Variants in SPAG16 observed in about 807,000 individuals in gnomAD.
SPAG16 encodes the protein sperm associated antigen 16, also known as sperm-associated antigen 16 protein.
SPAG16 carries 86 observed loss-of-function variants against 80.4 expected under a neutral mutation model. The ratio of observed to expected loss-of-function variants is 1.07; its 90% CI spans 0.90 to 1.28. The LOEUF (loss-of-function observed/expected upper bound fraction) is 1.28. Ranked by LOEUF, SPAG16 falls within the 50% of genes most tolerant of loss-of-function variation. The pLI is 0.00. For synonymous variants in SPAG16, 294 were observed against 265.9 expected (o/e 1.11, Z -1.03); for missense variants, 870 against 765.3 (o/e 1.14, Z -1.61).
At chr2:214,284,440 C>T (rs1241843147) in intron 15 of SPAG16, among the ~76,000 whole-genome samples, 7 of 152,252 alleles carry the variant, frequency 4.6e-5, no homozygotes, top group Admixed American at 2.6e-4. Context: ...ATTCTAACTA[C>T]TTGGTTGAGC....
intron 15 of SPAG16, among the ~76,000 whole-genome samples, chr2:214,248,069 T>C (rs978054768): frequency 4.0e-5 from 6 of 151,840 alleles, no homozygotes; most frequent in Admixed American, 2.0e-4. Context: ...GTTAAATTTA[T>C]AGTCATTAAA....
intron 10 of SPAG16, among the ~76,000 whole-genome samples, chr2:213,789,902 A>G (rs1559470895): frequency 6.6e-6 from 1 of 151,948 alleles, no homozygotes; most frequent in Non-Finnish European, 1.5e-5. Flanking sequence ...TAACGATATC[A>G]TTATCATCCA....
chr2:213,466,425 GTCTT>G (rs2072701041), intron 9 of SPAG16, among the ~76,000 whole-genome samples: 1 of 152,192 alleles, frequency 6.6e-6, no homozygotes, highest in Non-Finnish European at 1.5e-5. Context: ...TATGGAGTGA[GTCTT>G]AGCTGCCTGA....
At chr2:213,296,146 T>G (rs1227118676) in intron 2 of SPAG16, 36 bp downstream of exon 2, 1 of 1,410,498 alleles carries the variant, frequency 7.1e-7, no homozygotes, top group Non-Finnish European at 1.0e-6. Context: ...TTCTGTAAAT[T>G]TATTGCAGTC....
intron 9 of SPAG16, among the ~76,000 whole-genome samples, chr2:213,411,489 T>C (rs2068962558): frequency 6.6e-6 from 1 of 152,192 alleles, no homozygotes; most frequent in Non-Finnish European, 1.5e-5. Flanking sequence ...AGAATAGCCT[T>C]AGACATGATA....
rs139386702 is a variant in SPAG16 at position 214,084,972 on chromosome 2, G to A, written c.1528-23224G>A. On this transcript the variant is annotated intron_variant, in intron 13 of 15. Transcript: ENST00000331683. ...GTTTTAGAGGTAGCACTGAAAGACT[G>A]TTAGAAGACAAAGCAGAGAGCAATT... is the stretch of plus-strand genomic sequence containing the variant. Among the ~76,000 whole-genome samples, 1,057 of 152,306 alleles carry A rather than the reference G, an allele frequency of 6.9e-3. 16 individuals are homozygous for A. The highest frequency in any genetic ancestry group is 0.024 in the African/African-American group (990 of 41,554).
intron 5 of SPAG16, among the ~76,000 whole-genome samples, chr2:213,318,908 A>G (rs1393906760): frequency 6.6e-6 from 1 of 151,890 alleles, no homozygotes; most frequent in African/African-American, 2.4e-5. Flanking sequence ...TTGTTTTGTA[A>G]TTTCCTGGCA....
rs1428572527 is a variant in SPAG16 at position 214,177,904 on chromosome 2, TATATATATATAC to T, written c.1720+28650_1720+28661del. ...AAAAAGCAGAATATATATATACATA[TATATATATATAC>T]ATATATATATATATATATGGCCAGA... On this transcript the variant is annotated intron_variant, in intron 15 of 15. Coordinates refer to ENST00000331683, the MANE Select transcript of SPAG16 (RefSeq NM_024532.5). Among the ~76,000 whole-genome samples the T allele has an allele frequency of 1.4e-3, 132 of 92,282 alleles. 2 individuals are homozygous for T. Among genetic ancestry groups the T allele is most frequent in the African/African-American group, 6.8e-3 (113 of 16,590 alleles). The allele number at this position is 92,282 out of a possible 152,430, so 60.5% of individuals were successfully genotyped here. A position where few individuals can be genotyped will look rare whatever the true frequency, so the allele number is the denominator to read the frequency against.
intron 6 of SPAG16, among the ~76,000 whole-genome samples, chr2:213,346,592 G>T (rs192823940): frequency 5.8e-4 from 89 of 152,194 alleles, no homozygotes; most frequent in Non-Finnish European, 1.9e-4. Flanking sequence ...TTAGCATGAA[G>T]GTTGTTCAAT....
intron 15 of SPAG16, chr2:214,240,994 C>T (rs1689425561): frequency 1.3e-5 from 2 of 151,782 alleles, no homozygotes; most frequent in South Asian, 4.1e-4. Context: ...ATATGAGTAA[C>T]GGTAGGTATA....
chr2:213,586,819 G>A (rs1225411943), intron 10 of SPAG16, among the ~76,000 whole-genome samples: 1 of 152,206 alleles, frequency 6.6e-6, no homozygotes, highest in East Asian at 1.9e-4. Flanking sequence ...CATTGAAGAA[G>A]AACTGGGGCA....
At chr2:214,217,727 A>G (rs920004496) in intron 15 of SPAG16, among the ~76,000 whole-genome samples, 1 of 152,212 alleles carries the variant, frequency 6.6e-6, no homozygotes, top group Non-Finnish European at 1.5e-5. Flanking sequence ...TCATCTGAAA[A>G]TGAGGATGGT....
rs199578155 is a variant in SPAG16, at chr2:214,076,541, G to C, written c.1528-31655G>C. Reference sequence around the variant, plus strand: ...TGTGTGTGTGTGTGTGTGTGTGTGTGTCTGTGTGTGTGTGTGTGTGTGTGT... The same window carrying C: ...TGTGTGTGTGTGTGTGTGTGTGTGTCTCTGTGTGTGTGTGTGTGTGTGTGT... On this transcript the variant is annotated intron_variant, in intron 13 of 15. Coordinates refer to ENST00000331683, the MANE Select transcript of SPAG16 (RefSeq NM_024532.5). 7.5e-3 allele frequency among the ~76,000 whole-genome samples: 514 copies of C among 68,150 alleles called. 2 individuals carry two copies. The highest frequency in any genetic ancestry group is 0.026 in the African/African-American group (488 of 18,516). The allele number at this position is 68,150 out of a possible 152,430, so 44.7% of individuals were successfully genotyped here.
chr2:213,955,246 A>T (rs1023207291), intron 12 of SPAG16, among the ~76,000 whole-genome samples: 2 of 152,108 alleles, frequency 1.3e-5, no homozygotes, highest in Non-Finnish European at 2.9e-5. Flanking sequence ...ATTACCAAAC[A>T]CAAGATAATA....
In SPAG16 at chr2:213,640,373, C is replaced by T. The variant is rs140731733; in HGVS notation, c.1070+150283C>T. On this transcript the variant is annotated intron_variant, in intron 10 of 15. Transcript: ENST00000331683. Reference sequence around the variant, plus strand: ...TCTGGTTCCTTCTCATTTGGGTAGACTATGTCAGTGGAAAGATCTGGAGCA... The same window carrying T: ...TCTGGTTCCTTCTCATTTGGGTAGATTATGTCAGTGGAAAGATCTGGAGCA... Among the ~76,000 whole-genome samples, 22 of 152,238 alleles carry T rather than the reference C, an allele frequency of 1.4e-4. No homozygotes were observed. The East Asian group carries it at 3.9e-3, about 27-fold the overall frequency.
At chr2:213,463,985 G>A (rs1416118679) in intron 9 of SPAG16, among the ~76,000 whole-genome samples, 4 of 152,222 alleles carry the variant, frequency 2.6e-5, no homozygotes, top group Admixed American at 2.6e-4. Context: ...TGGGCCTAGA[G>A]AGGGAGAAAG....
chr2:213,950,066 A>G (rs112553213), intron 12 of SPAG16, among the ~76,000 whole-genome samples: 1,705 of 152,302 alleles, frequency 0.011, 37 homozygotes, highest in African/African-American at 0.039. Flanking sequence ...TTTCTTATTC[A>G]TGAGTTCTAC....
At chr2:214,314,920 A>G (rs770931992) in intron 15 of SPAG16, among the ~76,000 whole-genome samples, 1 of 151,938 alleles carries the variant, frequency 6.6e-6, no homozygotes, top group Non-Finnish European at 1.5e-5. Context: ...ATTCAGCCTG[A>G]TGGGTAGTGG....
At chr2:213,517,178 G>C (rs1255907221) in intron 10 of SPAG16, among the ~76,000 whole-genome samples, 1 of 152,100 alleles carries the variant, frequency 6.6e-6, no homozygotes, top group African/African-American at 2.4e-5. Flanking sequence ...CCCACGCTGA[G>C]AGTCAAATCA....
Sources: allele counts gnomAD v4.1 joint callset (sites outside exome capture counted in the v4.1 genomes callset), GRCh38; gene constraint gnomAD v4.1.1; transcripts MANE v1.5; gene names NCBI Gene and HGNC (gene_info 2026-07-23, HGNC 2026-07-21).